The following PSPH variants were observed in gnomAD, a reference collection of about 807,000 sequenced individuals.
The protein encoded by PSPH is L-3-phosphoserine phosphatase.
In PSPH, 16 loss-of-function variants were observed where a neutral mutation model predicts 23.4. That is an observed-to-expected ratio of 0.68 (90% confidence interval 0.46 to 1.04). The LOEUF (loss-of-function observed/expected upper bound fraction) is 1.04. PSPH is among the 50% of genes least tolerant of loss of function. PSPH has a pLI of 0.00. For synonymous variants in PSPH, 68 were observed against 99.7 expected, an observed-to-expected ratio of 0.68 and a Z score of 1.89; for missense variants, 223 against 273.7, an observed-to-expected ratio of 0.81 and a Z score of 1.31.
chr7:56,023,970 A>C (rs1206107883), intron 3 of PSPH, among the ~76,000 whole-genome samples: 1 of 151,564 alleles, frequency 6.6e-6, no homozygotes, highest in Non-Finnish European at 1.5e-5. Flanking sequence ...TCTGTCGCCC[A>C]GGCTGGAGTG....
intron 1 of PSPH, among the ~76,000 whole-genome samples, chr7:56,042,835 AACCAT>A (rs1210956384): frequency 6.6e-6 from 1 of 152,160 alleles, no homozygotes; most frequent in East Asian, 1.9e-4. Context: ...CAGGTAAAAT[AACCAT>A]CACAGAAGTG....
At chr7:56,023,062 G>C (rs2116724374) in intron 3 of PSPH, among the ~76,000 whole-genome samples, 1 of 151,976 alleles carries the variant, frequency 6.6e-6, no homozygotes, top group South Asian at 2.1e-4. Context: ...CCTGTCTGAA[G>C]AAAAGAAAAA....
At chr7:56,041,025 G>A (rs529817133) in intron 1 of PSPH, among the ~76,000 whole-genome samples, 9 of 152,104 alleles carry the variant, frequency 5.9e-5, no homozygotes, top group Admixed American at 2.6e-4. Flanking sequence ...TAGGGAGGGC[G>A]TGGGAAAACA....
rs140806217 is a variant in PSPH at position 56,018,685 on chromosome 7, G to A, written c.275+915C>T. Among the ~76,000 whole-genome samples, 10 of 151,984 alleles carry A rather than the reference G, an allele frequency of 6.6e-5. No homozygotes were observed. In the East Asian group the frequency reaches 1.5e-3, roughly 24 times the overall value. ...TCTACAAAAAATATTTTAAAGGCTGGGTATAGTGGCTCAAACCTATAATTC... is the reference window on the plus strand; with the variant it reads ...TCTACAAAAAATATTTTAAAGGCTGAGTATAGTGGCTCAAACCTATAATTC... On this transcript the variant is annotated intron_variant, in intron 5 of 7. Transcript: ENST00000275605.
chr7:56,011,613 C>G lies in PSPH; in HGVS notation c.*149G>C, dbSNP rs1363214360. Reference sequence around the variant, plus strand: ...TTAAAAAAAAAAAAAAAGCAATCTTCTAGGATTCCTAACTGTAGTTTAAAG... The same window carrying G: ...TTAAAAAAAAAAAAAAAGCAATCTTGTAGGATTCCTAACTGTAGTTTAAAG... On this transcript the variant is annotated 3_prime_UTR_variant, in exon 8 of 8. Transcript: ENST00000275605. 4 of 530,248 alleles carry G rather than the reference C, an allele frequency of 7.5e-6. No individual in the cohort carries two copies. The highest frequency in any genetic ancestry group is 1.4e-5 in the Non-Finnish European group (4 of 295,368). 32.8% of individuals were successfully genotyped at this position (530,248 alleles called of 1,614,324 possible). A position where few individuals can be genotyped will look rare whatever the true frequency, so the allele number is the denominator to read the frequency against.
At chr7:56,016,403 CAAAAA>C (rs1187610566) in intron 6 of PSPH, among the ~76,000 whole-genome samples, 3 of 85,400 alleles carry the variant, frequency 3.5e-5, no homozygotes, top group African/African-American at 4.9e-5. Context: ...GACCCTGTCT[CAAAAA>C]AAAAAAAAAA....
intron 1 of PSPH, among the ~76,000 whole-genome samples, chr7:56,049,567 G>A (rs952966592): frequency 6.7e-6 from 1 of 150,158 alleles, no homozygotes; most frequent in Non-Finnish European, 1.5e-5. Context: ...GCCTCCCGAG[G>A]AACTGGGATT....
intron 3 of PSPH, among the ~76,000 whole-genome samples, chr7:56,027,454 G>A (rs985349212): frequency 2.0e-5 from 3 of 152,034 alleles, no homozygotes; most frequent in Admixed American, 6.6e-5. Flanking sequence ...GGCCGGGAGC[G>A]GTGGCTCACG....
chr7:56,051,436 A>C lies in PSPH; in HGVS notation c.-590T>G. 1 of 233,594 alleles carries C rather than the reference A, an allele frequency of 4.3e-6. No homozygotes were observed. The highest frequency in any genetic ancestry group is 8.5e-6 in the Non-Finnish European group (1 of 117,162). 14.5% of individuals were successfully genotyped at this position (233,594 alleles called of 1,614,324 possible). A position where few individuals can be genotyped will look rare whatever the true frequency, so the allele number is the denominator to read the frequency against. ...GCACCGTCGAGCACACGGTCCGGGAAGCTCCAATGAAACGGAACAAACCGC... is the reference window on the plus strand; with the variant it reads ...GCACCGTCGAGCACACGGTCCGGGACGCTCCAATGAAACGGAACAAACCGC... On this transcript the variant is annotated 5_prime_UTR_variant, in exon 1 of 8. Coordinates refer to ENST00000275605, the MANE Select transcript of PSPH (RefSeq NM_004577.4).
At chr7:56,020,779 G>A (rs1321745726) in intron 4 of PSPH, among the ~76,000 whole-genome samples, 1 of 152,084 alleles carries the variant, frequency 6.6e-6, no homozygotes, top group African/African-American at 2.4e-5. Context: ...AACCACTAAG[G>A]TCACACTTTC....
intron 7 of PSPH, among the ~76,000 whole-genome samples, chr7:56,014,326 G>T (rs973870714): frequency 6.6e-6 from 1 of 152,072 alleles, no homozygotes; most frequent in Non-Finnish European, 1.5e-5. Context: ...CCCATCCTAC[G>T]GGGATAAGGC....
chr7:56,050,204 A>G (rs1247973924), intron 1 of PSPH, among the ~76,000 whole-genome samples: 2 of 152,160 alleles, frequency 1.3e-5, no homozygotes, highest in East Asian at 1.9e-4. Flanking sequence ...ATACCCAGAT[A>G]TTCACTGCAG....
At chr7:56,047,706 A>G (rs540440908) in intron 1 of PSPH, among the ~76,000 whole-genome samples, 103 of 147,812 alleles carry the variant, frequency 7.0e-4, no homozygotes, top group African/African-American at 2.4e-3. Context: ...TCGCTCTGTC[A>G]CCCAGGCTGG....
chr7:56,032,420 G>A lies in PSPH; in HGVS notation c.-145-366C>T, dbSNP rs1279256787. On this transcript the variant is annotated intron_variant, in intron 2 of 7. Coordinates refer to ENST00000275605, the MANE Select transcript of PSPH (RefSeq NM_004577.4). ...TCACACCTGTAATCCCAGCACTTTG[G>A]GAGGCTAAGGCGGGCGGATCACGAG... 2.0e-5 allele frequency among the ~76,000 whole-genome samples: 3 copies of A among 152,012 alleles called. No homozygotes were observed. In the East Asian group the frequency reaches 5.8e-4, roughly 29 times the overall value.
At chr7:56,021,612 T>G (rs1789464427) in intron 3 of PSPH, among the ~76,000 whole-genome samples, 2 of 151,016 alleles carry the variant, frequency 1.3e-5, no homozygotes, top group South Asian at 2.1e-4. Flanking sequence ...TATAGTTGTT[T>G]TTTTTTTTTC....
intron 6 of PSPH, among the ~76,000 whole-genome samples, chr7:56,016,786 A>G (rs1352403043): frequency 1.3e-5 from 2 of 151,934 alleles, no homozygotes; most frequent in East Asian, 3.9e-4. Context: ...CATGTTGGCC[A>G]GGCTGGTCTT....
At chr7:56,030,245 G>A (rs1167513028) in intron 3 of PSPH, among the ~76,000 whole-genome samples, 1 of 151,974 alleles carries the variant, frequency 6.6e-6, no homozygotes, top group Non-Finnish European at 1.5e-5. Context: ...GAATAGCTGG[G>A]ATCAGAAGTG....
intron 1 of PSPH, among the ~76,000 whole-genome samples, chr7:56,037,706 A>ATTTTTTTTTTTTTTTTTTTTTTTTTTTT (rs71015167): frequency 8.7e-6 from 1 of 115,304 alleles, no homozygotes; most frequent in Non-Finnish European, 1.7e-5. Context: ...AAGCTAACAA[A>ATTTTTTTTTTTTTTTTTTTTTTTTTTTT]TTTTTTTTTT....
At chr7:56,039,411 G>A (rs769494482) in intron 1 of PSPH, among the ~76,000 whole-genome samples, 2 of 152,030 alleles carry the variant, frequency 1.3e-5, no homozygotes, top group South Asian at 4.1e-4. Flanking sequence ...GTAGGTATAC[G>A]GATGCTTTTT....
Sources: allele counts gnomAD v4.1 joint callset (sites outside exome capture counted in the v4.1 genomes callset), GRCh38; gene constraint gnomAD v4.1.1; transcripts MANE v1.5; gene names NCBI Gene and HGNC (gene_info 2026-07-23, HGNC 2026-07-21).